The following LRRC4C variants were observed in gnomAD, a reference collection of about 807,000 sequenced individuals.
LRRC4C encodes the protein leucine-rich repeat-containing protein 4C.
LRRC4C carries 5 observed loss-of-function variants against 33.6 expected under a neutral mutation model. The observed-to-expected ratio is 0.15, with a 90% confidence interval of 0.08 to 0.31. LRRC4C has a LOEUF of 0.31. Among genes scored for constraint, LRRC4C ranks in the 10% least tolerant of loss-of-function variants. The pLI is 1.00. For synonymous variants in LRRC4C, 329 were observed against 302.0 expected (o/e 1.09, Z -0.93); for missense variants, 560 against 796.7 (o/e 0.70, Z 3.58).
intron 1 of LRRC4C, among the ~76,000 whole-genome samples, chr11:41,065,009 A>T (rs927970164): frequency 9.9e-5 from 15 of 152,098 alleles, no homozygotes; most frequent in Admixed American, 8.5e-4. Context: ...GAGCTGCACG[A>T]GTTTTTTCAC....
chr11:40,871,616 G>A (rs780331331), intron 2 of LRRC4C, among the ~76,000 whole-genome samples: 5 of 152,028 alleles, frequency 3.3e-5, no homozygotes, highest in Non-Finnish European at 5.9e-5. Flanking sequence ...CAGACAAAGC[G>A]TCACTTCCAC....
At chr11:41,022,142 T>TTATATATATATATATATATATATATA (rs142909883) in intron 1 of LRRC4C, among the ~76,000 whole-genome samples, 28 of 139,056 alleles carry the variant, frequency 2.0e-4, no homozygotes, top group African/African-American at 5.5e-4. Flanking sequence ...CAATTTTGTT[T>TTATATATATATATATATATATATATA]TATATATATA....
intron 1 of LRRC4C, among the ~76,000 whole-genome samples, chr11:41,199,856 C>G (rs1016540833): frequency 6.6e-6 from 1 of 152,064 alleles, no homozygotes; most frequent in African/African-American, 2.4e-5. Flanking sequence ...CACAAAGTCA[C>G]CCCCTAAGTG....
chr11:41,001,910 A>G (rs1854412009), intron 1 of LRRC4C, among the ~76,000 whole-genome samples: 1 of 151,400 alleles, frequency 6.6e-6, no homozygotes, highest in Non-Finnish European at 1.5e-5. Flanking sequence ...GACACTGTAG[A>G]TATTTATGTT....
chr11:41,047,344 T>C (rs970132320), intron 1 of LRRC4C, among the ~76,000 whole-genome samples: 2 of 152,080 alleles, frequency 1.3e-5, no homozygotes, highest in African/African-American at 4.8e-5. Context: ...AAAAGATAGA[T>C]AATAACAAAT....
At chr11:40,182,446 A>C (rs1420476894) in intron 5 of LRRC4C, among the ~76,000 whole-genome samples, 2 of 152,218 alleles carry the variant, frequency 1.3e-5, no homozygotes, top group African/African-American at 4.8e-5. Context: ...GCATCTCTTT[A>C]TTATCTCAGC....
At chr11:40,742,181 T>C (rs1435733522) in intron 2 of LRRC4C, among the ~76,000 whole-genome samples, 1 of 152,000 alleles carries the variant, frequency 6.6e-6, no homozygotes, top group Non-Finnish European at 1.5e-5. Flanking sequence ...AAATTGCTTC[T>C]ATACTGAATG....
intron 1 of LRRC4C, among the ~76,000 whole-genome samples, chr11:40,961,679 T>G (rs1850987848): frequency 6.6e-6 from 1 of 151,624 alleles, no homozygotes; most frequent in Admixed American, 6.6e-5. Flanking sequence ...TCATCACATA[T>G]AATGGTCAGG....
chr11:41,434,900 T>C (rs1012301304), intron 1 of LRRC4C, among the ~76,000 whole-genome samples: 5 of 152,166 alleles, frequency 3.3e-5, no homozygotes, highest in African/African-American at 1.2e-4. Flanking sequence ...GCTTTTTGTT[T>C]TATTTTGTTT....
At chr11:41,161,635 A>C (rs1417959641) in intron 1 of LRRC4C, among the ~76,000 whole-genome samples, 4 of 152,208 alleles carry the variant, frequency 2.6e-5, no homozygotes, top group Admixed American at 1.3e-4. Context: ...TGTTTACTGA[A>C]ATCCTGAGTC....
chr11:40,973,646 TA>T (rs1455587684), intron 1 of LRRC4C, among the ~76,000 whole-genome samples: 1 of 152,156 alleles, frequency 6.6e-6, no homozygotes, highest in South Asian at 2.1e-4. Flanking sequence ...ATTATTATTT[TA>T]AAAAATAGTG....
chr11:40,876,610 A>T (rs553176762), intron 2 of LRRC4C, among the ~76,000 whole-genome samples: 5 of 152,084 alleles, frequency 3.3e-5, no homozygotes, highest in African/African-American at 1.2e-4. Context: ...CTGTTTTTCT[A>T]AAAGAAATCT....
intron 2 of LRRC4C, among the ~76,000 whole-genome samples, chr11:40,879,496 G>T (rs1360149214): frequency 1.3e-5 from 2 of 152,128 alleles, no homozygotes; most frequent in East Asian, 3.9e-4. Flanking sequence ...GTCCTGTGGG[G>T]GAAAACAGAG....
chr11:40,737,471 C>T (rs1429664571), intron 2 of LRRC4C, among the ~76,000 whole-genome samples: 2 of 151,998 alleles, frequency 1.3e-5, no homozygotes, highest in Non-Finnish European at 2.9e-5. Flanking sequence ...TAGAAAACTC[C>T]ATCGTCTCAG....
rs1171475187 is a variant in LRRC4C, at chr11:40,309,290, T to C, written c.-176+10338A>G. On this transcript the variant is annotated intron_variant, in intron 4 of 6. Transcript: ENST00000528697. ...TATCATATTCATATTCAATATTTCATATAAATGGAATCATACCATGTGTGG... is the reference window on the plus strand; with the variant it reads ...TATCATATTCATATTCAATATTTCACATAAATGGAATCATACCATGTGTGG... 5.3e-5 allele frequency among the ~76,000 whole-genome samples: 8 copies of C among 152,344 alleles called. No individual in the cohort carries two copies. The East Asian group carries it at 9.6e-4, about 18-fold the overall frequency.
chr11:40,999,744 T>G (rs1248952910), intron 1 of LRRC4C, among the ~76,000 whole-genome samples: 1 of 152,008 alleles, frequency 6.6e-6, no homozygotes, highest in East Asian at 1.9e-4. Flanking sequence ...GCAATGAAAA[T>G]ATATCATGGC....
intron 3 of LRRC4C, among the ~76,000 whole-genome samples, chr11:40,537,743 G>T (rs987264314): frequency 6.6e-6 from 1 of 152,044 alleles, no homozygotes; most frequent in African/African-American, 2.4e-5. Flanking sequence ...TATATATGTG[G>T]ATCAGATGTG....
At chr11:40,448,967 T>A (rs1164845817) in intron 3 of LRRC4C, among the ~76,000 whole-genome samples, 1 of 152,204 alleles carries the variant, frequency 6.6e-6, no homozygotes, top group Non-Finnish European at 1.5e-5. Context: ...GATATCTCAT[T>A]GTGGTTTTGA....
chr11:40,776,624 T>A (rs1950007360), intron 2 of LRRC4C, among the ~76,000 whole-genome samples: 1 of 152,082 alleles, frequency 6.6e-6, no homozygotes, highest in South Asian at 2.1e-4. Flanking sequence ...TTTTCTCTTT[T>A]TTTGTCAATC....
Sources: gnomAD v4.1 joint callset for allele counts (sites outside exome capture counted in the v4.1 genomes callset) on GRCh38, gnomAD v4.1.1 for gene constraint, MANE v1.5 for transcripts, NCBI Gene and HGNC (gene_info 2026-07-23, HGNC 2026-07-21) for gene names.